The following GBE1 variants were observed in gnomAD, a reference collection of about 807,000 sequenced individuals.
The protein encoded by GBE1 is 1,4-alpha-glucan branching enzyme 1.
In GBE1, 70 loss-of-function variants were observed where a neutral mutation model predicts 88.8. The ratio of observed to expected loss-of-function variants is 0.79; its 90% confidence interval spans 0.65 to 0.96. GBE1 has a LOEUF of 0.96. GBE1 is among the 40% of genes least tolerant of loss of function. GBE1 has a pLI of 0.00. For synonymous variants in GBE1, 284 were observed against 300.1 expected (o/e 0.95, Z 0.56); for missense variants, 872 against 871.0 (o/e 1.00, Z -0.01).
chr3:81,569,703 C>G (rs529287992), intron 12 of GBE1, among the ~76,000 whole-genome samples: 29 of 152,258 alleles, frequency 1.9e-4, no homozygotes, highest in South Asian at 1.2e-3. Context: ...AGAGAGCAGA[C>G]GGAGTATCTA....
intron 1 of GBE1, among the ~76,000 whole-genome samples, chr3:81,723,450 TTTA>T (rs934731214): frequency 3.3e-5 from 5 of 152,118 alleles, no homozygotes; most frequent in African/African-American, 1.2e-4. Flanking sequence ...AGATGCCATA[TTTA>T]AATAAAAACT....
intron 12 of GBE1, among the ~76,000 whole-genome samples, chr3:81,548,037 G>A (rs1238690683): frequency 6.6e-6 from 1 of 151,374 alleles, no homozygotes; most frequent in African/African-American, 2.4e-5. Context: ...CACAATGGCT[G>A]CTCAGGTTCA....
chr3:81,620,171 T>C (rs947980924), intron 7 of GBE1, among the ~76,000 whole-genome samples: 1 of 143,838 alleles, frequency 7.0e-6, no homozygotes, highest in African/African-American at 2.7e-5. Context: ...CAAATTATTT[T>C]TGACATGGAA....
chr3:81,500,268 C>A (rs1702570705), intron 14 of GBE1, among the ~76,000 whole-genome samples: 1 of 152,032 alleles, frequency 6.6e-6, no homozygotes, highest in African/African-American at 2.4e-5. Context: ...GAGAGAAAGA[C>A]TGAGATGCAA....
intron 12 of GBE1, among the ~76,000 whole-genome samples, chr3:81,557,451 TAAAGAAG>T (rs1703362758): frequency 6.9e-6 from 1 of 144,084 alleles, no homozygotes; most frequent in Admixed American, 6.9e-5. Flanking sequence ...ATAATGAGGA[TAAAGAAG>T]AAAGAAGGAA....
chr3:81,624,895 T>C (rs894078127), intron 7 of GBE1, among the ~76,000 whole-genome samples: 1 of 152,146 alleles, frequency 6.6e-6, no homozygotes, highest in Non-Finnish European at 1.5e-5. Flanking sequence ...GCCTAAAATA[T>C]TCACATTTCT....
chr3:81,577,943 C>T lies in GBE1; in HGVS notation c.1600G>A (p.Gly534Ser), dbSNP rs1703670495. Reference sequence around the variant, plus strand: ...CACTTACCCATGAAATTGAGATAGCCTTCTCCACCAAGCCCATGCGTAATG... The same window carrying T: ...CACTTACCCATGAAATTGAGATAGCTTTCTCCACCAAGCCCATGCGTAATG... ...RLITHGLGGEGYLNFMGNEFG... is the reference protein window; with the variant it reads ...RLITHGLGGESYLNFMGNEFG... The change falls in exon 12 of 16, where the codon GGC becomes AGC. Residue 534 changes from glycine to serine, a missense_variant. Transcript: ENST00000429644. 1.3e-6 allele frequency: 2 copies of T among 1,595,816 alleles called. No individual in the cohort carries two copies. The highest frequency in any genetic ancestry group is 1.4e-5 in the African/African-American group (1 of 73,762).
chr3:81,510,979 C>T (rs955429528), intron 14 of GBE1, among the ~76,000 whole-genome samples: 1 of 151,938 alleles, frequency 6.6e-6, no homozygotes, highest in African/African-American at 2.4e-5. Flanking sequence ...TAGTAACCAT[C>T]TCACAAGGTA....
intron 14 of GBE1, 121 bp from the exon 15 acceptor site, chr3:81,499,348 A>T (rs1412561878): frequency 1.0e-5 from 7 of 703,166 alleles, no homozygotes; most frequent in Non-Finnish European, 1.8e-5. Flanking sequence ...TTGTGCTAAG[A>T]ACTCATTTCT....
At chr3:81,552,519 A>AT (rs1231985439) in intron 12 of GBE1, among the ~76,000 whole-genome samples, 7 of 41,950 alleles carry the variant, frequency 1.7e-4, no homozygotes, top group African/African-American at 5.1e-4. Context: ...TCTATCTTAT[A>AT]TAAAAAAAAA....
At chr3:81,562,554 T>C (rs535835109) in intron 12 of GBE1, among the ~76,000 whole-genome samples, 1 of 152,194 alleles carries the variant, frequency 6.6e-6, no homozygotes, top group South Asian at 2.1e-4. Context: ...GGGAATCATA[T>C]CTACCTCTCA....
chr3:81,690,128 C>T (rs773242124), intron 2 of GBE1, among the ~76,000 whole-genome samples: 4 of 152,102 alleles, frequency 2.6e-5, no homozygotes, highest in Non-Finnish European at 4.4e-5. Flanking sequence ...TGTGCCTACC[C>T]CAGTTTCTAA....
chr3:81,572,019 G>GTCTC (rs772961825), intron 12 of GBE1, among the ~76,000 whole-genome samples: 18 of 152,088 alleles, frequency 1.2e-4, no homozygotes, highest in Non-Finnish European at 2.1e-4. Flanking sequence ...ACATGTCAAG[G>GTCTC]GAGAGACCAG....
In GBE1 at chr3:81,605,200, T is replaced by C. The variant is rs1390872447; in HGVS notation, c.993-11177A>G. The stretch of plus-strand genomic sequence containing the variant: ...AAGGAATCATCAGCTTCTTTTTGTT[T>C]GCTCCAGTTATAAATTTTGCATTTG... On this transcript the variant is annotated intron_variant, in intron 7 of 15. Transcript: ENST00000429644. 2.0e-5 allele frequency among the ~76,000 whole-genome samples: 3 copies of C among 152,218 alleles called. No individual in the cohort carries two copies. In the East Asian group the frequency reaches 5.8e-4, roughly 29 times the overall value.
At chr3:81,576,642 C>T (rs947927011) in intron 12 of GBE1, among the ~76,000 whole-genome samples, 2 of 152,102 alleles carry the variant, frequency 1.3e-5, no homozygotes, top group African/African-American at 4.8e-5. Context: ...CTAAGGCTGA[C>T]TTTATTTATG....
chr3:81,577,813 G>T, intron 12 of GBE1, 112 bp downstream of exon 12: 1 of 811,368 alleles, frequency 1.2e-6, no homozygotes, highest in Non-Finnish European at 1.9e-6. Context: ...ATAAATAGTT[G>T]TAATTTTATA....
chr3:81,759,306 A>T (rs1706645236), intron 1 of GBE1, among the ~76,000 whole-genome samples: 1 of 152,236 alleles, frequency 6.6e-6, no homozygotes, highest in Admixed American at 6.5e-5. Context: ...CATCAAAGAG[A>T]AATTTCCTTC....
chr3:81,743,374 A>G (rs930109946), intron 1 of GBE1, among the ~76,000 whole-genome samples: 3 of 152,152 alleles, frequency 2.0e-5, no homozygotes, highest in African/African-American at 7.2e-5. Context: ...AGAGAAAACA[A>G]GAAAAGCAAG....
chr3:81,743,313 T>G lies in GBE1; in HGVS notation c.143+18062A>C, dbSNP rs73853482. ...TATGAGGTTAACTATTATTTAAAGTTATATATGCAAATATAAATAAAAAGT... is the reference window on the plus strand; with the variant it reads ...TATGAGGTTAACTATTATTTAAAGTGATATATGCAAATATAAATAAAAAGT... On this transcript the variant is annotated intron_variant, in intron 1 of 15. Transcript: ENST00000429644. Among the ~76,000 whole-genome samples the G allele has an allele frequency of 5.0e-3, 763 of 152,208 alleles. 1 individual carries two copies. The highest frequency in any genetic ancestry group is 0.018 in the African/African-American group (732 of 41,528).
Sources: allele counts gnomAD v4.1 joint callset (sites outside exome capture counted in the v4.1 genomes callset), GRCh38; gene constraint gnomAD v4.1.1; transcripts MANE v1.5; gene names NCBI Gene and HGNC (gene_info 2026-07-23, HGNC 2026-07-21).